Variants in ADAM12 observed in about 807,000 individuals in gnomAD.
The protein encoded by ADAM12 is disintegrin and metalloproteinase domain-containing protein 12.
In ADAM12, 70 loss-of-function variants were observed where a neutral mutation model predicts 106.4. The ratio of observed to expected loss-of-function variants is 0.66; its 90% CI spans 0.54 to 0.80. The LOEUF (loss-of-function observed/expected upper bound fraction) is 0.80. Among genes scored for constraint, ADAM12 ranks in the 30% least tolerant of loss-of-function variants. The probability of loss-of-function intolerance (pLI) is 0.00; values close to 1 mark genes in which losing one functional copy is unlikely to be tolerated. For missense variants in ADAM12, 1,010 were observed against 1,171.9 expected (o/e 0.86, Z 2.02); for synonymous variants, 420 against 433.5 (o/e 0.97, Z 0.39).
intron 1 of ADAM12, among the ~76,000 whole-genome samples, chr10:126,335,380 C>T (rs910469408): frequency 7.9e-5 from 12 of 152,190 alleles, no homozygotes; most frequent in Non-Finnish European, 1.6e-4. Context: ...GATAAACATC[C>T]TTTTGAAAAA....
chr10:126,341,938 T>C (rs1176219557), intron 1 of ADAM12, among the ~76,000 whole-genome samples: 1 of 152,234 alleles, frequency 6.6e-6, no homozygotes, highest in Non-Finnish European at 1.5e-5. Flanking sequence ...ATTTTCTCTA[T>C]GAGAAAAATG....
chr10:126,364,291 T>C (rs775432471), intron 1 of ADAM12, among the ~76,000 whole-genome samples: 20 of 152,186 alleles, frequency 1.3e-4, no homozygotes, highest in Non-Finnish European at 2.9e-4. Flanking sequence ...TATTGCTGTT[T>C]GTACACATTT....
chr10:126,360,546 C>T (rs532706582), intron 1 of ADAM12, among the ~76,000 whole-genome samples: 7 of 152,284 alleles, frequency 4.6e-5, no homozygotes, highest in Admixed American at 3.9e-4. Context: ...TTTGCTAAAA[C>T]ATAACAAAAT....
chr10:126,187,840 G>C (rs921670066), intron 3 of ADAM12, among the ~76,000 whole-genome samples: 10 of 152,184 alleles, frequency 6.6e-5, no homozygotes, highest in Non-Finnish European at 1.5e-4. Context: ...CTAGGTCCAG[G>C]GTAAATGTGC....
intron 1 of ADAM12, among the ~76,000 whole-genome samples, chr10:126,338,844 C>T (rs964334484): frequency 6.6e-6 from 1 of 152,128 alleles, no homozygotes; most frequent in African/African-American, 2.4e-5. Flanking sequence ...TGGATCTTAA[C>T]AGCAAAACAA....
intron 8 of ADAM12, among the ~76,000 whole-genome samples, chr10:126,106,464 A>G (rs1955769891): frequency 1.4e-5 from 2 of 140,038 alleles, no homozygotes; most frequent in South Asian, 4.8e-4. Flanking sequence ...TCAGGCCTTT[A>G]TCCCTTCTTT....
chr10:126,321,911 G>T (rs534982142), intron 2 of ADAM12, among the ~76,000 whole-genome samples: 4 of 141,154 alleles, frequency 2.8e-5, no homozygotes, highest in South Asian at 5.3e-4. Flanking sequence ...GGGTCGGGGG[G>T]GGGGCTTCAG....
intron 3 of ADAM12, among the ~76,000 whole-genome samples, chr10:126,202,499 TTCTCTCTCTCTC>T (rs139026512): frequency 6.7e-6 from 1 of 149,458 alleles, no homozygotes; most frequent in Admixed American, 6.7e-5. Context: ...GCTCTACTAC[TTCTCTCTCTCTC>T]TCTCTCTCTC....
chr10:126,325,074 C>T (rs1854247568), intron 2 of ADAM12, among the ~76,000 whole-genome samples: 2 of 151,948 alleles, frequency 1.3e-5, no homozygotes, highest in Non-Finnish European at 1.5e-5. Flanking sequence ...CACAAAGAAA[C>T]TCAGAGGACA....
At chr10:126,166,610 T>C (rs540107710) in intron 3 of ADAM12, among the ~76,000 whole-genome samples, 99 of 152,088 alleles carry the variant, frequency 6.5e-4, no homozygotes, top group African/African-American at 2.3e-3. Flanking sequence ...GTGATTCTCC[T>C]GCCCCAGCCT....
chr10:126,247,677 C>G (rs762569402), intron 3 of ADAM12, among the ~76,000 whole-genome samples: 1 of 152,172 alleles, frequency 6.6e-6, no homozygotes, highest in Non-Finnish European at 1.5e-5. Flanking sequence ...AGTCACCAAC[C>G]AGGAATTCTT....
At chr10:126,097,042 G>C (rs1344672917) in intron 10 of ADAM12, among the ~76,000 whole-genome samples, 1 of 152,110 alleles carries the variant, frequency 6.6e-6, no homozygotes, top group Non-Finnish European at 1.5e-5. Flanking sequence ...ATGGGTTACA[G>C]GCCCATTTCA....
At chr10:126,146,832 C>T (rs932058768) in intron 4 of ADAM12, among the ~76,000 whole-genome samples, 6 of 152,178 alleles carry the variant, frequency 3.9e-5, no homozygotes, top group Non-Finnish European at 8.8e-5. Context: ...ATAGTCACTG[C>T]GCACCTGCAA....
intron 4 of ADAM12, among the ~76,000 whole-genome samples, chr10:126,145,136 T>C (rs921732997): frequency 2.0e-5 from 3 of 152,186 alleles, no homozygotes; most frequent in African/African-American, 4.8e-5. Flanking sequence ...TGTTAGAATG[T>C]ATGTTCCCTG....
intron 3 of ADAM12, among the ~76,000 whole-genome samples, chr10:126,199,317 G>C (rs1303451668): frequency 6.6e-6 from 1 of 152,122 alleles, no homozygotes; most frequent in Non-Finnish European, 1.5e-5. Context: ...GAGATCAGCG[G>C]GCCTGACCAT....
intron 7 of ADAM12, 83 bp from the exon 8 acceptor site, chr10:126,108,747 C>T (rs1955819679): frequency 7.5e-7 from 1 of 1,336,012 alleles, no homozygotes; most frequent in African/African-American, 1.4e-5. Flanking sequence ...AATGTGAAGT[C>T]TTGGGATTTT....
chr10:126,205,349 C>G (rs944958343), intron 3 of ADAM12, among the ~76,000 whole-genome samples: 3 of 149,932 alleles, frequency 2.0e-5, no homozygotes, highest in Non-Finnish European at 4.4e-5. Flanking sequence ...AAAAAACAAC[C>G]AACCCTGTGT....
intron 21 of ADAM12, among the ~76,000 whole-genome samples, chr10:126,021,835 A>G (rs1238125605): frequency 6.6e-6 from 1 of 152,164 alleles, no homozygotes; most frequent in Non-Finnish European, 1.5e-5. Flanking sequence ...GATTACAACT[A>G]TTATTAATGG....
At chr10:126,337,636 G>T (rs978934892) in intron 1 of ADAM12, among the ~76,000 whole-genome samples, 1 of 152,094 alleles carries the variant, frequency 6.6e-6, no homozygotes, top group Non-Finnish European at 1.5e-5. Flanking sequence ...ATCTCCTCTG[G>T]CAACACCCTC....
Sources: allele counts gnomAD v4.1 joint callset (sites outside exome capture counted in the v4.1 genomes callset), GRCh38; gene constraint gnomAD v4.1.1; transcripts MANE v1.5; gene names NCBI Gene and HGNC (gene_info 2026-07-23, HGNC 2026-07-21).